The following PRMT8 variants were observed in gnomAD, a reference collection of about 807,000 sequenced individuals.
PRMT8 encodes the protein protein arginine methyltransferase 8, also known as protein arginine N-methyltransferase 8.
Under a neutral mutation model 47.1 loss-of-function variants are expected in PRMT8, and 7 were observed. The ratio of observed to expected loss-of-function variants is 0.15; its 90% confidence interval spans 0.08 to 0.28. PRMT8 has a LOEUF of 0.28. PRMT8 is among the 10% of genes least tolerant of loss of function. PRMT8 has a pLI of 1.00. For missense variants in PRMT8, 237 were observed against 505.4 expected (o/e 0.47, Z 5.09); for synonymous variants, 188 against 186.5 (o/e 1.01, Z -0.07).
At chr12:3,414,237 A>C (rs1181533439) in intron 1 of PRMT8, among the ~76,000 whole-genome samples, 1 of 152,228 alleles carries the variant, frequency 6.6e-6, no homozygotes, top group African/African-American at 2.4e-5. Context: ...AAAAGGTGAT[A>C]ATATGGGAAT....
At chr12:3,417,775 G>A (rs1264475663) in intron 1 of PRMT8, among the ~76,000 whole-genome samples, 1 of 152,142 alleles carries the variant, frequency 6.6e-6, no homozygotes. Flanking sequence ...ACTTTGAATG[G>A]CACCTGGGAA....
At chr12:3,388,323 A>T (rs972648663) in intron 1 of PRMT8, among the ~76,000 whole-genome samples, 1 of 152,194 alleles carries the variant, frequency 6.6e-6, no homozygotes, top group Non-Finnish European at 1.5e-5. Context: ...AGAATATTGC[A>T]TAAGTGACAT....
chr12:3,558,949 T>TATCTAC (rs1565441385), intron 4 of PRMT8, among the ~76,000 whole-genome samples: 2 of 135,626 alleles, frequency 1.5e-5, no homozygotes, highest in African/African-American at 5.9e-5. Flanking sequence ...CATTTATCTG[T>TATCTAC]CTATCTATCT....
chr12:3,450,820 A>AG (rs1565410895), intron 1 of PRMT8, among the ~76,000 whole-genome samples: 1 of 152,214 alleles, frequency 6.6e-6, no homozygotes, highest in African/African-American at 2.4e-5. Flanking sequence ...TGTTTCATCA[A>AG]GGACATTTCC....
chr12:3,407,654 A>G (rs931540254), intron 1 of PRMT8, among the ~76,000 whole-genome samples: 25 of 152,212 alleles, frequency 1.6e-4, no homozygotes, highest in East Asian at 3.9e-4. Flanking sequence ...CTGGATGTCT[A>G]TGTCTCTCCC....
chr12:3,540,613 G>GGCCCCCCCCCCCCC lies in PRMT8; in HGVS notation c.83_84insGCCCCCCCCCCCCC (p.Ser28ArgfsTer43). The GGCCCCCCCCCCCCC allele has an allele frequency of 8.0e-6, 9 of 1,130,520 alleles. No homozygotes were observed. Among genetic ancestry groups the GGCCCCCCCCCCCCC allele is most frequent in the Non-Finnish European group, 1.1e-5 (8 of 752,490 alleles). The allele number at this position is 1,130,520 out of a possible 1,614,324, so 70.0% of individuals were successfully genotyped here. Reference sequence around the variant, plus strand: ...CCCTTCTCTTCCCCTCAGGTGAACAGCCCCCCCTCCCAGCCCCCCCAGCCC... The same window carrying GGCCCCCCCCCCCCC: ...CCCTTCTCTTCCCCTCAGGTGAACAGGCCCCCCCCCCCCCCCCCCCCTCCCAGCCCCCCCAGCCC... On this transcript the variant is annotated frameshift_variant, in exon 2 of 10. Coordinates refer to ENST00000382622, the MANE Select transcript of PRMT8 (RefSeq NM_019854.5). LOFTEE classifies it high-confidence loss of function.
At chr12:3,429,237 C>T (rs1215780015) in intron 1 of PRMT8, among the ~76,000 whole-genome samples, 2 of 152,288 alleles carry the variant, frequency 1.3e-5, no homozygotes, top group South Asian at 2.1e-4. Context: ...TTGTGCCATA[C>T]CTTTGAAACA....
intron 1 of PRMT8, among the ~76,000 whole-genome samples, chr12:3,440,835 G>A (rs1308459557): frequency 6.6e-6 from 1 of 152,088 alleles, no homozygotes; most frequent in Non-Finnish European, 1.5e-5. Context: ...TCTGTGCCTG[G>A]AATAATCTTT....
chr12:3,439,833 G>A (rs1864780193), intron 1 of PRMT8, among the ~76,000 whole-genome samples: 1 of 152,202 alleles, frequency 6.6e-6, no homozygotes, highest in Admixed American at 6.5e-5. Flanking sequence ...TACTGTGTGT[G>A]AAAGTGTTGT....
At chr12:3,483,157 G>T (rs2137102855) in intron 1 of PRMT8, among the ~76,000 whole-genome samples, 1 of 152,330 alleles carries the variant, frequency 6.6e-6, no homozygotes, top group South Asian at 2.1e-4. Context: ...TGGTGGGTGT[G>T]CTCCACGGGA....
At chr12:3,592,989 G>A (rs992830161) in intron 9 of PRMT8, 110 bp from the exon 10 acceptor site, 61 of 812,064 alleles carry the variant, frequency 7.5e-5, no homozygotes, top group Non-Finnish European at 1.1e-4. Context: ...GCCTTAAGAC[G>A]CTGGTGCTAC....
At chr12:3,410,547 C>T (rs535434525) in intron 1 of PRMT8, among the ~76,000 whole-genome samples, 8 of 152,266 alleles carry the variant, frequency 5.3e-5, no homozygotes, top group African/African-American at 1.2e-4. Context: ...CTTGCTCTGT[C>T]GCCCAGGCTG....
chr12:3,591,295 C>A (rs1022460231), intron 8 of PRMT8, among the ~76,000 whole-genome samples: 2 of 152,082 alleles, frequency 1.3e-5, no homozygotes, highest in African/African-American at 2.4e-5. Context: ...CAAGAACCAT[C>A]CCTCATTTCT....
intron 1 of PRMT8, among the ~76,000 whole-genome samples, chr12:3,449,591 T>C (rs952782163): frequency 6.6e-6 from 1 of 152,242 alleles, no homozygotes; most frequent in Non-Finnish European, 1.5e-5. Context: ...GTTGTTTTTT[T>C]CTTGTAAATT....
Position 3,580,182 on chromosome 12 carries a change from T to C in PRMT8, c.829-2876T>C, listed in dbSNP as rs908739088. ...TTCAATACTTTTGGTCCTAAAGGCT[T>C]TTGTTCTATCAGAGGCCTCTATTAA... On this transcript the variant is annotated intron_variant, in intron 7 of 9. Coordinates refer to ENST00000382622, the MANE Select transcript of PRMT8 (RefSeq NM_019854.5). The surrounding 1 kb of genome is among the most constrained non-coding windows in gnomAD (Gnocchi z 4.6). 1.3e-5 allele frequency among the ~76,000 whole-genome samples: 2 copies of C among 152,158 alleles called. No individual in the cohort carries two copies. Among genetic ancestry groups the C allele is most frequent in the Non-Finnish European group, 2.9e-5 (2 of 68,034 alleles).
chr12:3,590,043 G>C (rs1442027210), intron 8 of PRMT8, among the ~76,000 whole-genome samples: 1 of 152,218 alleles, frequency 6.6e-6, no homozygotes, highest in African/African-American at 2.4e-5. Flanking sequence ...TGGTTGTTGG[G>C]AGCAGGTGGA....
In PRMT8 at chr12:3,478,701, A is replaced by G. The variant is rs375867248; in HGVS notation, c.49-61905A>G. Among the ~76,000 whole-genome samples, 294 of 152,342 alleles carry G rather than the reference A, an allele frequency of 1.9e-3. 2 individuals are homozygous for G. The highest frequency in any genetic ancestry group is 6.7e-3 in the African/African-American group (277 of 41,568). On this transcript the variant is annotated intron_variant, in intron 1 of 9. Coordinates refer to the PRMT8 transcript ENST00000452611. ...TTGAAGTCAGGAGCTACCAATGGGT[A>G]TTAGCTCATGTGGTCACCTGTTATT...
At chr12:3,587,640 C>T (rs1420745080) in intron 8 of PRMT8, among the ~76,000 whole-genome samples, 1 of 152,094 alleles carries the variant, frequency 6.6e-6, no homozygotes, top group Non-Finnish European at 1.5e-5. Context: ...TTCCTTATTC[C>T]CTTGCTATTT....
intron 1 of PRMT8, among the ~76,000 whole-genome samples, chr12:3,385,566 C>T (rs868865960): frequency 3.8e-5 from 3 of 78,614 alleles, no homozygotes; most frequent in Admixed American, 1.7e-4. Context: ...AAGAAAACTC[C>T]TTATTAGATC....
Sources: gnomAD v4.1 joint callset for allele counts (sites outside exome capture counted in the v4.1 genomes callset) on GRCh38, gnomAD v4.1.1 for gene constraint, Gnocchi (gnomAD v3.1) non-coding constraint, MANE v1.5 for transcripts, NCBI Gene and HGNC (gene_info 2026-07-23, HGNC 2026-07-21) for gene names.